PSG11: variants seen among roughly 807,000 people sequenced by gnomAD.
PSG11 encodes pregnancy-specific beta-1-glycoprotein 11.
Under a neutral mutation model 36.0 loss-of-function variants are expected in PSG11, and 42 were observed. The observed-to-expected ratio is 1.17, with a 90% CI of 0.91 to 1.51. The LOEUF (loss-of-function observed/expected upper bound fraction) is 1.51. PSG11 is among the 40% of genes most tolerant of loss of function. The pLI is 0.00. For missense variants in PSG11, 558 were observed against 403.5 expected (o/e 1.38, Z -3.28); for synonymous variants, 206 against 153.5 (o/e 1.34, Z -2.53).
In PSG11 at chr19:43,024,961, G is replaced by C; in HGVS notation, c.160C>G (p.Leu54Val). 1 of 1,611,760 alleles carries C rather than the reference G, an allele frequency of 6.2e-7. No individual in the cohort carries two copies. The highest frequency in any genetic ancestry group is 8.5e-7 in the Non-Finnish European group (1 of 1,179,020). ...AGATTCTGGGGCAAATTGTGGACAAGTAGAAGAACATCCTTCCCCTCGGAC... is the reference window on the plus strand; with the variant it reads ...AGATTCTGGGGCAAATTGTGGACAACTAGAAGAACATCCTTCCCCTCGGAC... ...KVSEGKDVLL[L>V]VHNLPQNLTG... The change falls in exon 2 of 6, where the codon CTT becomes GTT. Residue 54 changes from leucine (L) to valine (V), a missense_variant. Transcript: ENST00000320078.
chr19:43,018,454 T>A (rs1967019578), intron 3 of PSG11: 1 of 521,310 alleles, frequency 1.9e-6, no homozygotes, highest in Non-Finnish European at 3.4e-6. Context: ...AGTGACCCTG[T>A]GAGCCAAGTC....
Position 43,010,636 on chromosome 19 carries a change from T to C in PSG11, c.965-595A>G, listed in dbSNP as rs565145415. Reference sequence around the variant, plus strand: ...TGCATTGGTACCTAAAACTTCTTTCTCTTTCTTTTTCACAGGAATCAGCTC... The same window carrying C: ...TGCATTGGTACCTAAAACTTCTTTCCCTTTCTTTTTCACAGGAATCAGCTC... On this transcript the variant is annotated intron_variant, in intron 4 of 5. Coordinates refer to ENST00000320078, the MANE Select transcript of PSG11 (RefSeq NM_002785.3). 8.8e-5 allele frequency: 25 copies of C among 285,672 alleles called. 1 individual carries two copies. Among genetic ancestry groups the C allele is most frequent in the South Asian group, 5.7e-4 (8 of 13,976 alleles). The allele number at this position is 285,672 out of a possible 1,614,324, so 17.7% of individuals were successfully genotyped here. A position where few individuals can be genotyped will look rare whatever the true frequency, so the allele number is the denominator to read the frequency against.
chr19:43,015,085 C>A (rs181940492), intron 4 of PSG11, 31 bp downstream of exon 4: 1 of 1,611,022 alleles, frequency 6.2e-7, no homozygotes, highest in Non-Finnish European at 8.5e-7. Flanking sequence ...CACCTAAAAC[C>A]CTATTGCCAA....
chr19:43,016,165 A>C (rs543047438), intron 3 of PSG11: 168 of 1,428,720 alleles, frequency 1.2e-4, no homozygotes, highest in Non-Finnish European at 1.4e-4. Context: ...GAAAGCCAAT[A>C]GCTGGTGCGT....
chr19:43,024,484 T>A (rs559240006), intron 2 of PSG11: 1 of 771,128 alleles, frequency 1.3e-6, no homozygotes, highest in South Asian at 1.8e-5. Flanking sequence ...CTGCAGCGAG[T>A]GTCTGCAGGG....
rs1206887180 is a variant in PSG11 at position 43,020,960 on chromosome 19, C to G, written c.431-1912G>C. Among the ~76,000 whole-genome samples, 8 of 151,290 alleles carry G rather than the reference C, an allele frequency of 5.3e-5. 1 individual carries two copies. The highest frequency in any genetic ancestry group is 1.2e-4 in the Non-Finnish European group (8 of 67,896). ...AATTAGAAGGAGTCTAAGTGAGATG[C>G]CAATGGCTCATGTGTCTCCCCACAC... is the stretch of plus-strand genomic sequence containing the variant. On this transcript the variant is annotated intron_variant, in intron 2 of 5. Transcript: ENST00000320078.
intron 4 of PSG11, chr19:43,010,677 G>A: frequency 4.9e-6 from 1 of 204,490 alleles, no homozygotes; most frequent in Non-Finnish European, 1.0e-5. Context: ...AGTGGTCTGT[G>A]GGTTCTCCTG....
intron 3 of PSG11, chr19:43,016,084 C>G (rs770604213): frequency 6.3e-7 from 1 of 1,574,830 alleles, no homozygotes; most frequent in Non-Finnish European, 8.6e-7. Context: ...CTGTGTGGCA[C>G]CTTTGATTCC....
rs142640806 is a variant in PSG11, at chr19:43,023,851, T to G, written c.430+840A>C. Among the ~76,000 whole-genome samples the G allele has an allele frequency of 3.6e-4, 55 of 151,488 alleles. 4 individuals carry two copies. The highest frequency in any genetic ancestry group is 9.7e-4 in the African/African-American group (40 of 41,136). ...TGCTATCTGTGAATAAATGTTAAATTATTCACAGTCACCTGACCTAATGCT... is the reference window on the plus strand; with the variant it reads ...TGCTATCTGTGAATAAATGTTAAATGATTCACAGTCACCTGACCTAATGCT... On this transcript the variant is annotated intron_variant, in intron 2 of 5. Transcript: ENST00000320078.
At chr19:43,011,721 A>T (rs1342610069) in intron 4 of PSG11, among the ~76,000 whole-genome samples, 1 of 150,910 alleles carries the variant, frequency 6.6e-6, no homozygotes, top group Non-Finnish European at 1.5e-5. Context: ...TACTGTCTCT[A>T]CAAAAAAATT....
intron 1 of PSG11, among the ~76,000 whole-genome samples, chr19:43,025,916 CTT>C (rs747657112): frequency 2.9e-4 from 18 of 61,998 alleles, no homozygotes; most frequent in African/African-American, 1.1e-3. Flanking sequence ...GCCTTCTTTC[CTT>C]TTTTTTTTTT....
chr19:43,017,759 A>G (rs1350225025), intron 3 of PSG11, among the ~76,000 whole-genome samples: 1 of 151,500 alleles, frequency 6.6e-6, no homozygotes, highest in East Asian at 1.9e-4. Context: ...GTCTTTCCAT[A>G]TAATGATATT....
At chr19:43,020,967 C>T (rs1331588518) in intron 2 of PSG11, among the ~76,000 whole-genome samples, 1 of 151,278 alleles carries the variant, frequency 6.6e-6, no homozygotes, top group East Asian at 1.9e-4. Flanking sequence ...ATGCCAATGG[C>T]TCATGTGTCT....
Position 43,015,309 on chromosome 19 carries a change from G to C in PSG11, c.771C>G (p.Leu257=). The C allele has an allele frequency of 6.2e-7, 1 of 1,610,090 alleles. No individual in the cohort carries two copies. Among genetic ancestry groups the C allele is most frequent in the Non-Finnish European group, 8.5e-7 (1 of 1,177,228 alleles). Residue 257 remains leucine (L), a synonymous_variant, in exon 4 of 6, where the codon CTC becomes CTG. Transcript: ENST00000320078. ...TAGAGTTTGCGAAGCAGGACAAGTC[G>C]AGGTTCTCTCCTGAATAGTAAGAGG... ...SVTSYYSGEN[L]DLSCFANSNP...
intron 3 of PSG11, chr19:43,015,902 T>G (rs549881437): frequency 8.7e-6 from 14 of 1,609,988 alleles, no homozygotes; most frequent in Non-Finnish European, 1.2e-5. Flanking sequence ...CGCTTTACCC[T>G]GGGACTGACC....
chr19:43,014,647 C>G, intron 4 of PSG11: 8 of 1,103,016 alleles, frequency 7.3e-6, no homozygotes, highest in Non-Finnish European at 8.9e-6. Context: ...GAGCAGGAAG[C>G]AGAGTCTGAG....
In PSG11 at chr19:43,024,803, G is replaced by A. The variant is rs748870768; in HGVS notation, c.318C>T (p.Ser106=). The A allele has an allele frequency of 9.9e-6, 16 of 1,611,836 alleles. 1 individual carries two copies. The highest frequency in any genetic ancestry group is 1.3e-5 in the African/African-American group (1 of 74,290). Reference sequence around the variant, plus strand: ...CCCGGGTGACATTCTGGATCAGCAGGGATGCATTGGAATATACTGTTTCTC... The same window carrying A: ...CCCGGGTGACATTCTGGATCAGCAGAGATGCATTGGAATATACTGTTTCTC... ...SGRETVYSNA[S]LLIQNVTRED... is the part of the protein sequence containing the mutation. The change falls in exon 2 of 6, where the codon TCC becomes TCT. Residue 106 remains serine (S), a synonymous_variant. Coordinates refer to ENST00000320078, the MANE Select transcript of PSG11 (RefSeq NM_002785.3).
chr19:43,008,904 A>G (rs1974000341), intron 5 of PSG11, among the ~76,000 whole-genome samples: 1 of 151,236 alleles, frequency 6.6e-6, no homozygotes, highest in Non-Finnish European at 1.5e-5. Flanking sequence ...GTCAGGGAAG[A>G]CTTAAAAATT....
chr19:43,020,278 A>G (rs962002724), intron 2 of PSG11, among the ~76,000 whole-genome samples: 4 of 151,428 alleles, frequency 2.6e-5, no homozygotes, highest in Non-Finnish European at 5.9e-5. Flanking sequence ...TTTGCAGTAC[A>G]TGTACTGGTT....
Sources: gnomAD v4.1 joint callset for allele counts (sites outside exome capture counted in the v4.1 genomes callset) on GRCh38, gnomAD v4.1.1 for gene constraint, MANE v1.5 for transcripts, NCBI Gene and HGNC (gene_info 2026-07-23, HGNC 2026-07-21) for gene names.